Variants in WASHC5 observed in about 807,000 individuals in gnomAD.
WASHC5 encodes WASH complex subunit 5.
WASHC5 carries 101 observed loss-of-function variants against 150.4 expected under a neutral mutation model. That is an observed-to-expected ratio of 0.67 (90% CI 0.57 to 0.79). The LOEUF (loss-of-function observed/expected upper bound fraction) is 0.79. Among genes scored for constraint, WASHC5 ranks in the 30% least tolerant of loss-of-function variants. The probability of loss-of-function intolerance (pLI) is 0.00; values close to 1 mark genes in which losing one functional copy is unlikely to be tolerated. For synonymous variants in WASHC5, 467 were observed against 491.2 expected (o/e 0.95, Z 0.65); for missense variants, 1,195 against 1,396.3 (o/e 0.86, Z 2.30).
At chr8:125,082,926 G>T in intron 3 of WASHC5, 187 bp downstream of exon 3, 2 of 528,162 alleles carry the variant, frequency 3.8e-6, no homozygotes, top group Non-Finnish European at 6.7e-6. Flanking sequence ...ATAAGAGCAG[G>T]ACATTATAGT....
At chr8:125,046,278 T>C (rs749604895) in intron 20 of WASHC5, among the ~76,000 whole-genome samples, 17 of 151,972 alleles carry the variant, frequency 1.1e-4, no homozygotes, top group Non-Finnish European at 2.1e-4. Flanking sequence ...CAACAGCTTC[T>C]CCTGAGGCTC....
chr8:125,079,114 G>GTATATATATATATATATATA (rs1194077815), intron 5 of WASHC5, among the ~76,000 whole-genome samples, 184 bp from the exon 6 acceptor site: 1 of 71,966 alleles, frequency 1.4e-5, no homozygotes, highest in Non-Finnish European at 2.6e-5. Flanking sequence ...GTGTGTGTGT[G>GTATATATATATATATATATA]TGTATATATA....
At chr8:125,029,994 C>T (rs1330187772) in intron 27 of WASHC5, among the ~76,000 whole-genome samples, 1 of 152,172 alleles carries the variant, frequency 6.6e-6, no homozygotes, top group Non-Finnish European at 1.5e-5. Context: ...TCACAGGTTC[C>T]TTAGATTCCT....
In WASHC5 at chr8:125,074,984, A is replaced by G. The variant is rs1209159961; in HGVS notation, c.978+14T>C. ...CCTGCAGTTATCAGAGAATGTCCCC[A>G]GATTAGAACCTACCTGTTCTCTGAC... On this transcript the variant is annotated intron_variant, in intron 8 of 28. Transcript: ENST00000318410. The G allele has an allele frequency of 6.8e-7, 1 of 1,474,650 alleles. No individual in the cohort carries two copies. Among genetic ancestry groups the G allele is most frequent in the South Asian group, 1.1e-5 (1 of 88,250 alleles). The allele number at this position is 1,474,650 out of a possible 1,614,324, so 91.3% of individuals were successfully genotyped here.
chr8:125,057,051 C>T (rs1399542029), intron 15 of WASHC5, among the ~76,000 whole-genome samples: 1 of 152,156 alleles, frequency 6.6e-6, no homozygotes, highest in African/African-American at 2.4e-5. Flanking sequence ...TCCCATTTTA[C>T]AGATTTTAAA....
At chr8:125,047,657 C>T (rs552924559) in intron 19 of WASHC5, among the ~76,000 whole-genome samples, 18 of 152,218 alleles carry the variant, frequency 1.2e-4, no homozygotes, top group African/African-American at 3.9e-4. Context: ...AGGCTGATCT[C>T]GAACTCCTGA....
intron 9 of WASHC5, among the ~76,000 whole-genome samples, chr8:125,069,563 T>C (rs780371263): frequency 7.9e-5 from 12 of 152,138 alleles, no homozygotes; most frequent in Non-Finnish European, 1.6e-4. Flanking sequence ...TATAGATATA[T>C]GTATATGTCA....
chr8:125,085,468 C>G (rs1490731784), intron 1 of WASHC5, among the ~76,000 whole-genome samples: 1 of 152,102 alleles, frequency 6.6e-6, no homozygotes, highest in Non-Finnish European at 1.5e-5. Flanking sequence ...ATCTCACAAG[C>G]TGTCAAAGAG....
Position 125,043,977 on chromosome 8 carries a change from T to C in WASHC5, c.2770+15A>G. 1 of 1,603,250 alleles carries C rather than the reference T, an allele frequency of 6.2e-7. No individual in the cohort carries two copies. Among genetic ancestry groups the C allele is most frequent in the East Asian group, 2.2e-5 (1 of 44,810 alleles). ...ACAGTGTCATCCCCGCCTCAGGTAG[T>C]TTCAGGACACTCACCGACAATACTT... On this transcript the variant is annotated intron_variant, in intron 22 of 28. Transcript: ENST00000318410.
intron 5 of WASHC5, among the ~76,000 whole-genome samples, chr8:125,080,935 A>G (rs1011183499): frequency 1.3e-5 from 2 of 152,242 alleles, no homozygotes; most frequent in Admixed American, 6.5e-5. Context: ...AACAGAAAGC[A>G]CACTTATTTC....
intron 1 of WASHC5, among the ~76,000 whole-genome samples, chr8:125,089,571 C>T (rs534350946): frequency 5.9e-5 from 9 of 152,286 alleles, no homozygotes; most frequent in Middle Eastern, 3.4e-3. Context: ...AATGGCTACC[C>T]GATTTGGGAT....
At chr8:125,056,108 C>T (rs1432568375) in intron 16 of WASHC5, among the ~76,000 whole-genome samples, 1 of 152,196 alleles carries the variant, frequency 6.6e-6, no homozygotes, top group Non-Finnish European at 1.5e-5. Flanking sequence ...GCTTGATAAT[C>T]TAAGTCCCTG....
chr8:125,060,250 C>G (rs141495437), intron 12 of WASHC5, among the ~76,000 whole-genome samples: 3,992 of 152,178 alleles, frequency 0.026, 181 homozygotes, highest in African/African-American at 0.092. Flanking sequence ...ACTCTGAGAG[C>G]CCGAGGCAGG....
chr8:125,079,457 CTGGGA>C (rs1366533679), intron 5 of WASHC5, among the ~76,000 whole-genome samples: 1 of 152,016 alleles, frequency 6.6e-6, no homozygotes, highest in Non-Finnish European at 1.5e-5. Flanking sequence ...TCCCAAAGTG[CTGGGA>C]TTACAGGTGT....
intron 1 of WASHC5, among the ~76,000 whole-genome samples, chr8:125,084,964 C>A (rs1817376822): frequency 6.6e-6 from 1 of 152,200 alleles, no homozygotes; most frequent in South Asian, 2.1e-4. Context: ...TAGAGAATGA[C>A]TGGTCTTATA....
rs2303521 is a variant in WASHC5 at position 125,056,900 on chromosome 8, T to C, written c.1876-83A>G. 75,156 of 1,528,180 alleles carry C rather than the reference T, an allele frequency of 0.049. 5,731 individuals are homozygous for C. Among genetic ancestry groups the C allele is most frequent in the African/African-American group, 0.32 (23,513 of 73,412 alleles). The allele number at this position is 1,528,180 out of a possible 1,614,324, so 94.7% of individuals were successfully genotyped here. A position where few individuals can be genotyped will look rare whatever the true frequency, so the allele number is the denominator to read the frequency against. On this transcript the variant is annotated intron_variant, in intron 15 of 28. Coordinates refer to ENST00000318410, the MANE Select transcript of WASHC5 (RefSeq NM_014846.4). Reference sequence around the variant, plus strand: ...GACAAATATTAGGATGCCTAATTTGTCTATATAGGGGGATGCTGAAAAATG... The same window carrying C: ...GACAAATATTAGGATGCCTAATTTGCCTATATAGGGGGATGCTGAAAAATG...
chr8:125,050,709 C>T, intron 17 of WASHC5, 44 bp from the exon 18 acceptor site: 1 of 1,467,140 alleles, frequency 6.8e-7, no homozygotes, highest in South Asian at 1.1e-5. Flanking sequence ...ACGAAAAATT[C>T]AGTCCTAACG....
In WASHC5 at chr8:125,080,616, CCTT is replaced by C. The variant is rs1486051268; in HGVS notation, c.518+1042_518+1044del. Among the ~76,000 whole-genome samples, 5 of 152,332 alleles carry C rather than the reference CCTT, an allele frequency of 3.3e-5. No homozygotes were observed. The South Asian group carries it at 1.0e-3, about 32-fold the overall frequency. On this transcript the variant is annotated intron_variant, in intron 5 of 28. Coordinates refer to ENST00000318410, the MANE Select transcript of WASHC5 (RefSeq NM_014846.4). Reference sequence around the variant, plus strand: ...TCTTTAGCTCAAGCTCCTGACTCCTCCTTCTTGACAGTTTCTTCTCTGAATCTT... The same window carrying C: ...TCTTTAGCTCAAGCTCCTGACTCCTCCTTGACAGTTTCTTCTCTGAATCTT...
chr8:125,077,879 C>T (rs1309694041), intron 6 of WASHC5, among the ~76,000 whole-genome samples: 14 of 152,012 alleles, frequency 9.2e-5, no homozygotes, highest in Admixed American at 8.5e-4. Context: ...CTGTGGGTAG[C>T]TTCTGATTTT....
Sources: gnomAD v4.1 joint callset for allele counts (sites outside exome capture counted in the v4.1 genomes callset) on GRCh38, gnomAD v4.1.1 for gene constraint, MANE v1.5 for transcripts, NCBI Gene and HGNC (gene_info 2026-07-23, HGNC 2026-07-21) for gene names.